Variants in MTR observed in about 807,000 individuals in gnomAD.
MTR encodes the protein methionine synthase.
MTR carries 84 observed loss-of-function variants against 154.8 expected under a neutral mutation model. The ratio of observed to expected loss-of-function variants is 0.54; its 90% confidence interval spans 0.45 to 0.65. The LOEUF (loss-of-function observed/expected upper bound fraction) is 0.65. Among genes scored for constraint, MTR ranks in the 30% least tolerant of loss-of-function variants. The pLI is 0.00. For missense variants in MTR, 1,275 were observed against 1,570.2 expected (o/e 0.81, Z 3.18); for synonymous variants, 554 against 553.9 (o/e 1.00, Z 0.00).
rs761601954 is a variant in MTR at position 236,886,338 on chromosome 1, A to T, written c.2822A>T (p.Gln941Leu). The change falls in exon 27 of 33, where the codon CAA (glutamine) becomes CTA (leucine). Residue 941 changes from glutamine (Q) to leucine (L), a missense_variant. By Grantham distance (113) the Gln-to-Leu change is moderately radical. Transcript: ENST00000366577. The stretch of plus-strand genomic sequence containing the variant: ...AGTCAAGCCAGAAAAAGTGGTTTCC[A>T]AATGGATTGGCTGTCTGAACCTCAC... ...PLSQARKSGF[Q>L]MDWLSEPHPV... 11 of 1,614,212 alleles carry T rather than the reference A, an allele frequency of 6.8e-6. No homozygotes were observed. In the Admixed American group the frequency reaches 1.7e-4, roughly 24 times the overall value.
At chr1:236,854,955 C>T (rs1664119499) in intron 18 of MTR, among the ~76,000 whole-genome samples, 1 of 152,136 alleles carries the variant, frequency 6.6e-6, no homozygotes, top group Non-Finnish European at 1.5e-5. Flanking sequence ...TTAATGTAAC[C>T]ACGAGGGCTT....
At position 236,805,208 on chromosome 1, in the gene MTR, G is replaced by A. The variant is rs1660912195; in HGVS notation, c.250-936G>A. On this transcript the variant is annotated intron_variant, in intron 2 of 32. Transcript: ENST00000366577. ...GGGATTCCAGGTTGCTAGTCAGATTGAGGTTGAGATGATCCAAGGAGTGGA... is the reference window on the plus strand; with the variant it reads ...GGGATTCCAGGTTGCTAGTCAGATTAAGGTTGAGATGATCCAAGGAGTGGA... Among the ~76,000 whole-genome samples, 3 of 152,150 alleles carry A rather than the reference G, an allele frequency of 2.0e-5. No homozygotes were observed. In the South Asian group the frequency reaches 6.2e-4, roughly 32 times the overall value.
chr1:236,824,962 C>T (rs980135664), intron 9 of MTR, among the ~76,000 whole-genome samples: 9 of 152,126 alleles, frequency 5.9e-5, no homozygotes, highest in African/African-American at 1.7e-4. Context: ...ATGTTAGTTG[C>T]GCATTAGTTC....
At chr1:236,868,125 C>T (rs1664920345) in intron 22 of MTR, among the ~76,000 whole-genome samples, 1 of 152,146 alleles carries the variant, frequency 6.6e-6, no homozygotes, top group South Asian at 2.1e-4. Flanking sequence ...GTGTGGGAAA[C>T]TTCACTGTCG....
intron 8 of MTR, chr1:236,820,061 T>C (rs1453724546): frequency 2.5e-6 from 2 of 785,078 alleles, no homozygotes; most frequent in African/African-American, 3.4e-5. Flanking sequence ...TATGTTAACC[T>C]GCCTACCATT....
chr1:236,841,615 T>A (rs1663238680), intron 15 of MTR, among the ~76,000 whole-genome samples: 1 of 151,500 alleles, frequency 6.6e-6, no homozygotes, highest in African/African-American at 2.4e-5. Context: ...CTTAGGTTTT[T>A]AGAACTCATA....
intron 15 of MTR, among the ~76,000 whole-genome samples, chr1:236,844,728 A>G (rs550838045): frequency 6.6e-6 from 1 of 152,274 alleles, no homozygotes; most frequent in Non-Finnish European, 1.5e-5. Flanking sequence ...ATCTGCAGGC[A>G]TGCTGGTTGA....
At chr1:236,846,072 G>A (rs912294243) in intron 15 of MTR, among the ~76,000 whole-genome samples, 1 of 152,224 alleles carries the variant, frequency 6.6e-6, no homozygotes, top group Non-Finnish European at 1.5e-5. Flanking sequence ...ACAACTGCAA[G>A]GTCAAGACCA....
intron 8 of MTR, among the ~76,000 whole-genome samples, chr1:236,818,245 T>G (rs763097128): frequency 2.0e-5 from 3 of 152,250 alleles, no homozygotes; most frequent in Non-Finnish European, 4.4e-5. Context: ...CTTTAGTTAC[T>G]AATCATGTAT....
In MTR at chr1:236,810,614, T is replaced by C. The variant is rs1391764071; in HGVS notation, c.502+19T>C. 3.1e-6 allele frequency: 5 copies of C among 1,594,174 alleles called. No individual in the cohort carries two copies. Among genetic ancestry groups the C allele is most frequent in the Non-Finnish European group, 3.4e-6 (4 of 1,162,066 alleles). On this transcript the variant is annotated intron_variant, in intron 5 of 32. Transcript: ENST00000366577. ...AACATCAGTGAGTATTTACCACATATAATCATTGATCTTGGGGAAGTACTC... is the reference window on the plus strand; with the variant it reads ...AACATCAGTGAGTATTTACCACATACAATCATTGATCTTGGGGAAGTACTC...
At chr1:236,798,379 C>A (rs1337989197) in intron 1 of MTR, among the ~76,000 whole-genome samples, 3 of 152,132 alleles carry the variant, frequency 2.0e-5, no homozygotes, top group Non-Finnish European at 4.4e-5. Context: ...GCTGGTCTAC[C>A]CCCCTCCAAA....
At chr1:236,895,022 G>A (rs976690683) in intron 30 of MTR, 12 of 397,318 alleles carry the variant, frequency 3.0e-5, no homozygotes, top group African/African-American at 1.6e-4. Flanking sequence ...GAACAGTGGA[G>A]GAACTAGCAG....
rs1660299319 is a variant in MTR at position 236,795,313 on chromosome 1, G to A, written c.-391G>A. 8 of 1,236,336 alleles carry A rather than the reference G, an allele frequency of 6.5e-6. No individual in the cohort carries two copies. The highest frequency in any genetic ancestry group is 1.4e-5 in the South Asian group (1 of 69,908). The allele number at this position is 1,236,336 out of a possible 1,614,324, so 76.6% of individuals were successfully genotyped here. A position where few individuals can be genotyped will look rare whatever the true frequency, so the allele number is the denominator to read the frequency against. On this transcript the variant is annotated 5_prime_UTR_variant, in exon 1 of 33. Transcript: ENST00000366577. ...GCGCAGAACTAACCGCGCTCTGAAA[G>A]GTTCTAAATGTCTGCGGGGCTCAGA...
chr1:236,801,139 C>T (rs1384404414), intron 1 of MTR, among the ~76,000 whole-genome samples: 1 of 152,204 alleles, frequency 6.6e-6, no homozygotes, highest in African/African-American at 2.4e-5. Context: ...TTCTATTATA[C>T]ATGCTTCATT....
rs41305961 is a variant in MTR at position 236,900,818 on chromosome 1, C to A, written c.*3174C>A. 2 of 152,526 alleles carry A rather than the reference C, an allele frequency of 1.3e-5. No individual in the cohort carries two copies. Among genetic ancestry groups the A allele is most frequent in the Non-Finnish European group, 2.9e-5 (2 of 68,106 alleles). The allele number at this position is 152,526 out of a possible 1,614,324, so 9.4% of individuals were successfully genotyped here. ...TGCTGCTGCCAGCAGTGCCCAGATA[C>A]CAGGCTTTGGGGAATGAGTGGATGG... On this transcript the variant is annotated 3_prime_UTR_variant, in exon 33 of 33. Coordinates refer to ENST00000366577, the MANE Select transcript of MTR (RefSeq NM_000254.3).
chr1:236,852,907 GTA>G (rs752129881), intron 17 of MTR, 39 bp from the exon 18 acceptor site: 66 of 1,611,340 alleles, frequency 4.1e-5, no homozygotes, highest in Non-Finnish European at 5.5e-5. Flanking sequence ...CTGACTTAAG[GTA>G]TCACTGTAAA....
chr1:236,820,611 G>A (rs570512607), intron 8 of MTR: 27 of 548,280 alleles, frequency 4.9e-5, no homozygotes, highest in Middle Eastern at 5.0e-4. Context: ...AAAAGTTTCC[G>A]TAAACATTCA....
At chr1:236,895,210 C>G in intron 30 of MTR, 148 bp from the exon 31 acceptor site, 2 of 911,638 alleles carry the variant, frequency 2.2e-6, no homozygotes, top group Non-Finnish European at 3.5e-6. Context: ...AATCAAGAAT[C>G]CAGCCTGTTT....
rs367730702 is a variant in MTR, at chr1:236,806,202, T to C, written c.308T>C (p.Ile103Thr). The stretch of plus-strand genomic sequence containing the variant: ...ACAAATACTTTTAGCAGCACTAGTA[T>C]TGCCCAAGCTGACTATGGCCTTGAA... ...IETNTFSSTS[I>T]AQADYGLEHL... The change falls in exon 3 of 33, where the codon ATT becomes ACT. Residue 103 changes from isoleucine to threonine, a missense_variant. Ile to Thr is a moderately conservative substitution (Grantham distance 89). Transcript: ENST00000366577. 9.9e-6 allele frequency: 16 copies of C among 1,614,030 alleles called. No homozygotes were observed. Among genetic ancestry groups the C allele is most frequent in the African/African-American group, 1.3e-5 (1 of 74,948 alleles).
Sources: gnomAD v4.1 joint callset for allele counts (sites outside exome capture counted in the v4.1 genomes callset) on GRCh38, gnomAD v4.1.1 for gene constraint, MANE v1.5 for transcripts, NCBI Gene and HGNC (gene_info 2026-07-23, HGNC 2026-07-21) for gene names.